KAZN: variants seen among roughly 807,000 people sequenced by gnomAD.
KAZN encodes kazrin, periplakin interacting protein.
KAZN carries 40 observed loss-of-function variants against 87.4 expected under a neutral mutation model. The ratio of observed to expected loss-of-function variants is 0.46; its 90% CI spans 0.36 to 0.60. KAZN has a LOEUF of 0.60. KAZN is among the 20% of genes least tolerant of loss of function. The pLI, the probability that KAZN is intolerant of heterozygous loss-of-function variation, is 0.00. For synonymous variants in KAZN, 466 were observed against 458.3 expected, an observed-to-expected ratio of 1.02 and a Z score of -0.22; for missense variants, 898 against 1,073.9, an observed-to-expected ratio of 0.84 and a Z score of 2.29.
chr1:14,529,235 C>T (rs1672081587), intron 2 of KAZN, among the ~76,000 whole-genome samples: 1 of 152,218 alleles, frequency 6.6e-6, no homozygotes, highest in Admixed American at 6.5e-5. Flanking sequence ...ACCTGGGAGG[C>T]AGAGGTTGCA....
chr1:14,550,074 C>G (rs184631803), intron 2 of KAZN, among the ~76,000 whole-genome samples: 2 of 152,232 alleles, frequency 1.3e-5, no homozygotes, highest in Non-Finnish European at 2.9e-5. Flanking sequence ...TTCCCAGGTA[C>G]GCACACCTGT....
intron 2 of KAZN, among the ~76,000 whole-genome samples, chr1:14,211,298 G>A (rs544456032): frequency 6.6e-6 from 1 of 152,294 alleles, no homozygotes; most frequent in African/African-American, 2.4e-5. Context: ...TCGACTCACT[G>A]CAAGTTCCGC....
chr1:14,044,390 G>C (rs1026350053), intron 1 of KAZN, among the ~76,000 whole-genome samples: 2 of 151,642 alleles, frequency 1.3e-5, no homozygotes, highest in Non-Finnish European at 1.5e-5. Flanking sequence ...TCACTGTTCC[G>C]CCCCCCACCA....
At chr1:14,855,985 A>G (rs542322182) in intron 1 of KAZN, among the ~76,000 whole-genome samples, 1 of 152,330 alleles carries the variant, frequency 6.6e-6, no homozygotes, top group African/African-American at 2.4e-5. Flanking sequence ...AGCCACCAAA[A>G]TGATGGTACA....
chr1:13,978,493 T>TAA (rs1031379913), intron 1 of KAZN, among the ~76,000 whole-genome samples: 1 of 97,230 alleles, frequency 1.0e-5, no homozygotes, highest in East Asian at 2.6e-4. Context: ...GATATAGAGA[T>TAA]AAATATATAT....
chr1:15,016,977 C>T (rs1349673413), intron 2 of KAZN, among the ~76,000 whole-genome samples: 1 of 151,870 alleles, frequency 6.6e-6, no homozygotes, highest in East Asian at 1.9e-4. Flanking sequence ...CTTCCTTGCT[C>T]CAACATAGTA....
At chr1:14,149,803 C>T (rs1026823344) in intron 1 of KAZN, among the ~76,000 whole-genome samples, 1 of 152,028 alleles carries the variant, frequency 6.6e-6, no homozygotes, top group Non-Finnish European at 1.5e-5. Context: ...ATTTTAAAGG[C>T]TAGATTATAA....
At chr1:14,103,002 G>A (rs1424287175) in intron 1 of KAZN, among the ~76,000 whole-genome samples, 2 of 151,568 alleles carry the variant, frequency 1.3e-5, no homozygotes, top group Non-Finnish European at 2.9e-5. Flanking sequence ...TCTGCCTCCT[G>A]GGTTCAAAGG....
intron 1 of KAZN, among the ~76,000 whole-genome samples, chr1:14,653,392 C>T (rs1043181935): frequency 1.3e-5 from 2 of 152,124 alleles, no homozygotes; most frequent in African/African-American, 2.4e-5. Context: ...CTCCCTGGGG[C>T]GTGTTGGGGC....
chr1:14,631,352 G>A (rs987423883), intron 1 of KAZN, among the ~76,000 whole-genome samples: 10 of 152,226 alleles, frequency 6.6e-5, no homozygotes, highest in Non-Finnish European at 1.2e-4. Flanking sequence ...GGACATTTTA[G>A]TTACATACAC....
In KAZN at chr1:14,133,437, G is replaced by GAAATAAAT. The variant is rs1434795358; in HGVS notation, c.92-46995_92-46994insTAAATAAA. 2.1e-5 allele frequency among the ~76,000 whole-genome samples: 3 copies of GAAATAAAT among 141,112 alleles called. 1 individual carries two copies. Among genetic ancestry groups the GAAATAAAT allele is most frequent in the African/African-American group, 7.9e-5 (3 of 37,770 alleles). 92.6% of individuals were successfully genotyped at this position (141,112 alleles called of 152,430 possible). On this transcript the variant is annotated intron_variant, in intron 1 of 16. Coordinates refer to the KAZN transcript ENST00000636203. The stretch of plus-strand genomic sequence containing the variant: ...AGAAAGAAAGAAAGAAAGAAAGAAA[G>GAAATAAAT]AAAATAGGGGAATCTATGTGTAACT...
At chr1:14,320,050 C>A (rs547894632) in intron 2 of KAZN, among the ~76,000 whole-genome samples, 1 of 152,106 alleles carries the variant, frequency 6.6e-6, no homozygotes, top group Admixed American at 6.6e-5. Flanking sequence ...TGGTGGTAAG[C>A]TTTTTACAAC....
intron 1 of KAZN, among the ~76,000 whole-genome samples, chr1:13,945,582 T>C (rs6672979): frequency 0.14 from 20,831 of 150,650 alleles, 1,548 homozygotes; most frequent in Middle Eastern, 0.22. Flanking sequence ...TATATAGCAA[T>C]GAATGGTAAA....
At chr1:14,565,537 G>C (rs1195728392) in intron 2 of KAZN, among the ~76,000 whole-genome samples, 2 of 152,156 alleles carry the variant, frequency 1.3e-5, no homozygotes. Context: ...AGACAACAAT[G>C]AAGCTTGACA....
chr1:14,412,304 A>G (rs544037869), intron 2 of KAZN, among the ~76,000 whole-genome samples: 7 of 152,376 alleles, frequency 4.6e-5, no homozygotes, highest in Admixed American at 6.5e-5. Context: ...CTATGCTTTT[A>G]TAAGAACAAC....
At chr1:14,764,074 T>C (rs1449649704) in intron 1 of KAZN, among the ~76,000 whole-genome samples, 1 of 152,198 alleles carries the variant, frequency 6.6e-6, no homozygotes, top group Non-Finnish European at 1.5e-5. Flanking sequence ...ATTAATGTAC[T>C]TGTTTACCTT....
chr1:14,959,876 G>A (rs1184352585), intron 1 of KAZN, among the ~76,000 whole-genome samples: 5 of 152,124 alleles, frequency 3.3e-5, no homozygotes, highest in African/African-American at 4.8e-5. Flanking sequence ...GGAGGATGGC[G>A]CACCTTCTGG....
At chr1:13,981,719 C>A (rs190525765) in intron 1 of KAZN, among the ~76,000 whole-genome samples, 1 of 152,132 alleles carries the variant, frequency 6.6e-6, no homozygotes, top group South Asian at 2.1e-4. Context: ...TCACCTCCAG[C>A]GTATGAATGA....
intron 2 of KAZN, among the ~76,000 whole-genome samples, chr1:14,445,621 C>A (rs1342049490): frequency 6.6e-6 from 1 of 152,114 alleles, no homozygotes; most frequent in Non-Finnish European, 1.5e-5. Context: ...TTATGGAACA[C>A]CAACATGGTG....
Sources: allele counts gnomAD v4.1 joint callset (sites outside exome capture counted in the v4.1 genomes callset), GRCh38; gene constraint gnomAD v4.1.1; transcripts MANE v1.5; gene names NCBI Gene and HGNC (gene_info 2026-07-23, HGNC 2026-07-21).